Variants in CADPS observed in about 807,000 individuals in gnomAD.
CADPS encodes calcium-dependent secretion activator 1.
CADPS carries 57 observed loss-of-function variants against 167.3 expected under a neutral mutation model. The ratio of observed to expected loss-of-function variants is 0.34; its 90% CI spans 0.28 to 0.42. The LOEUF is 0.42. CADPS is among the 20% of genes least tolerant of loss of function. The pLI is 1.00. For missense variants in CADPS, 1,414 were observed against 1,738.1 expected (o/e 0.81, Z 3.32); for synonymous variants, 676 against 635.3 (o/e 1.06, Z -0.96).
At chr3:62,496,576 C>T (rs2064837837) in intron 18 of CADPS, among the ~76,000 whole-genome samples, 3 of 152,194 alleles carry the variant, frequency 2.0e-5, no homozygotes, top group Admixed American at 1.3e-4. Context: ...TTGTGGAGTG[C>T]TCACTTTGTG....
chr3:62,663,845 C>T (rs1368886704), intron 3 of CADPS, among the ~76,000 whole-genome samples: 1 of 152,136 alleles, frequency 6.6e-6, no homozygotes, highest in African/African-American at 2.4e-5. Context: ...TTTATCTTCC[C>T]CTTTCCACAG....
chr3:62,865,166 A>T (rs2081458182), intron 1 of CADPS, among the ~76,000 whole-genome samples: 1 of 152,166 alleles, frequency 6.6e-6, no homozygotes, highest in African/African-American at 2.4e-5. Flanking sequence ...AAACAACTCT[A>T]TGCCTACCAT....
At chr3:62,793,827 TC>T (rs1385281908) in intron 1 of CADPS, among the ~76,000 whole-genome samples, 1 of 152,182 alleles carries the variant, frequency 6.6e-6, no homozygotes, top group Non-Finnish European at 1.5e-5. Flanking sequence ...ATTTTGTTCC[TC>T]AAAATCATTG....
intron 6 of CADPS, among the ~76,000 whole-genome samples, chr3:62,616,298 CT>C (rs926843663): frequency 8.6e-5 from 13 of 151,724 alleles, no homozygotes; most frequent in Non-Finnish European, 1.6e-4. Flanking sequence ...ATTAGACAGA[CT>C]TTTTTTTTCT....
At chr3:62,589,707 G>C (rs2085488127) in intron 7 of CADPS, among the ~76,000 whole-genome samples, 1 of 152,198 alleles carries the variant, frequency 6.6e-6, no homozygotes, top group African/African-American at 2.4e-5. Flanking sequence ...ATGGGTCCCT[G>C]ACTGGCTTGA....
At chr3:62,741,815 G>A (rs1251305892) in intron 3 of CADPS, among the ~76,000 whole-genome samples, 5 of 152,132 alleles carry the variant, frequency 3.3e-5, no homozygotes, top group Non-Finnish European at 7.3e-5. Context: ...ATCCAAATAG[G>A]AAGAGAGGAA....
At chr3:62,689,369 A>G (rs755742903) in intron 3 of CADPS, among the ~76,000 whole-genome samples, 6 of 152,208 alleles carry the variant, frequency 3.9e-5, no homozygotes, top group South Asian at 2.1e-4. Context: ...TGTAAACATA[A>G]TCAAGAGATA....
rs1220261471 is a variant in CADPS, at chr3:62,421,669, G to C, written c.3777+16435C>G. ...GCTTCCCCCTTTTCCCCCCAAAGGA[G>C]GGGGAAGGGGGGACTTTGCCCAAGC... On this transcript the variant is annotated intron_variant, in intron 28 of 29. Transcript: ENST00000383710. The surrounding 1 kb of genome is among the most constrained non-coding windows in gnomAD (Gnocchi z 4.7). 2.0e-5 allele frequency among the ~76,000 whole-genome samples: 3 copies of C among 152,194 alleles called. No individual in the cohort carries two copies. The highest frequency in any genetic ancestry group is 4.4e-5 in the Non-Finnish European group (3 of 68,034).
At chr3:62,676,662 G>A (rs1014937446) in intron 3 of CADPS, among the ~76,000 whole-genome samples, 2 of 152,084 alleles carry the variant, frequency 1.3e-5, no homozygotes, top group Non-Finnish European at 2.9e-5. Flanking sequence ...TCCTGCAGGC[G>A]TTTTGGTGAC....
chr3:62,565,753 T>C (rs565153909), intron 9 of CADPS, among the ~76,000 whole-genome samples: 2 of 152,300 alleles, frequency 1.3e-5, no homozygotes, highest in African/African-American at 4.8e-5. Context: ...AAATGGGAAT[T>C]GCTACTTTGG....
intron 3 of CADPS, among the ~76,000 whole-genome samples, chr3:62,706,475 C>T (rs1409593922): frequency 6.6e-6 from 1 of 152,076 alleles, no homozygotes; most frequent in East Asian, 1.9e-4. Context: ...TTTGCTGAAA[C>T]TGCTGTCACA....
chr3:62,448,913 C>T (rs533444454), intron 26 of CADPS, among the ~76,000 whole-genome samples: 4 of 152,128 alleles, frequency 2.6e-5, no homozygotes, highest in African/African-American at 9.6e-5. Context: ...CATGCCCGGC[C>T]GCTGGATATT....
At chr3:62,569,584 C>A (rs1372817245) in intron 9 of CADPS, among the ~76,000 whole-genome samples, 1 of 152,346 alleles carries the variant, frequency 6.6e-6, no homozygotes, top group East Asian at 1.9e-4. Flanking sequence ...TATAGACAGT[C>A]TAGTCTTAGA....
chr3:62,646,564 A>G (rs964918149), intron 5 of CADPS, among the ~76,000 whole-genome samples: 2 of 152,236 alleles, frequency 1.3e-5, no homozygotes, highest in Non-Finnish European at 2.9e-5. Flanking sequence ...TCACAATAAG[A>G]TAAGTAATAG....
At chr3:62,557,623 A>G (rs2078392281) in intron 9 of CADPS, 110 bp from the exon 10 acceptor site, 3 of 843,026 alleles carry the variant, frequency 3.6e-6, no homozygotes, top group African/African-American at 1.7e-5. Flanking sequence ...CTGGGTTCAA[A>G]CTGAGTTTTG....
At chr3:62,590,015 C>G (rs144357968) in intron 7 of CADPS, among the ~76,000 whole-genome samples, 3 of 151,894 alleles carry the variant, frequency 2.0e-5, no homozygotes, top group South Asian at 2.1e-4. Flanking sequence ...ATGGTAAAAC[C>G]CTGTCTCTAC....
chr3:62,847,261 C>CTTTTTTTTTTTTTTT (rs202175985), intron 1 of CADPS, among the ~76,000 whole-genome samples: 1 of 133,068 alleles, frequency 7.5e-6, no homozygotes, highest in African/African-American at 2.9e-5. Context: ...GCAGCATTTT[C>CTTTTTTTTTTTTTTT]TTTTTTTTTT....
chr3:62,596,126 C>T (rs1243662015), intron 6 of CADPS, among the ~76,000 whole-genome samples: 1 of 123,362 alleles, frequency 8.1e-6, no homozygotes, highest in Admixed American at 9.1e-5. Flanking sequence ...CACACACACA[C>T]ACACACACAC....
intron 1 of CADPS, chr3:62,779,436 G>A (rs571869311): frequency 1.1e-4 from 58 of 518,126 alleles, no homozygotes; most frequent in Middle Eastern, 5.3e-4. Flanking sequence ...TGATTATTCT[G>A]TTCCTCATTT....
Sources: gnomAD v4.1 joint callset for allele counts (sites outside exome capture counted in the v4.1 genomes callset) on GRCh38, gnomAD v4.1.1 for gene constraint, Gnocchi (gnomAD v3.1) non-coding constraint, MANE v1.5 for transcripts, NCBI Gene and HGNC (gene_info 2026-07-23, HGNC 2026-07-21) for gene names.